PRKG1: variants seen among roughly 807,000 people sequenced by gnomAD.
PRKG1 encodes cGMP-dependent protein kinase 1.
PRKG1 carries 35 observed loss-of-function variants against 88.1 expected under a neutral mutation model. That is an observed-to-expected ratio of 0.40 (90% confidence interval 0.30 to 0.53). The LOEUF (loss-of-function observed/expected upper bound fraction) is 0.53. Ranked by LOEUF, PRKG1 falls within the 20% of genes least tolerant of loss-of-function variation. The pLI is 0.59. For missense variants in PRKG1, 540 were observed against 839.8 expected (o/e 0.64, Z 4.41); for synonymous variants, 303 against 292.5 (o/e 1.04, Z -0.37).
chr10:52,239,873 T>C (rs1459508222), intron 9 of PRKG1, among the ~76,000 whole-genome samples: 2 of 152,176 alleles, frequency 1.3e-5, no homozygotes, highest in African/African-American at 4.8e-5. Context: ...CCCTTCACCA[T>C]TGTCTCTTCA....
rs1564589622 is a variant in PRKG1, at chr10:51,074,792, T to C, written c.202T>C (p.Leu68=). The change falls in exon 1 of 18, where the codon TTG becomes CTG. Residue 68 remains leucine (L), a synonymous_variant. Transcript: ENST00000373980. ...GGCGCAGAAGCAGAGCGCGAGCACC[T>C]TGCAGGGCGAGCCGCGCACCAAGCG... is the stretch of plus-strand genomic sequence containing the variant. The part of the protein sequence containing the change: ...QQAQKQSAST[L]QGEPRTKRQA... 2 of 1,613,898 alleles carry C rather than the reference T, an allele frequency of 1.2e-6. No individual in the cohort carries two copies. The highest frequency in any genetic ancestry group is 1.7e-6 in the Non-Finnish European group (2 of 1,179,914).
intron 2 of PRKG1, among the ~76,000 whole-genome samples, chr10:51,292,239 T>G (rs531564062): frequency 7.9e-5 from 12 of 152,270 alleles, no homozygotes; most frequent in Non-Finnish European, 1.5e-4. Flanking sequence ...CTAGCTGGCA[T>G]TACTCTGGGT....
At chr10:51,099,958 C>T (rs1159094372) in intron 1 of PRKG1, among the ~76,000 whole-genome samples, 1 of 152,142 alleles carries the variant, frequency 6.6e-6, no homozygotes, top group African/African-American at 2.4e-5. Flanking sequence ...TGCAGTGGCA[C>T]AATCATAGCT....
chr10:51,590,592 T>G (rs1055143942), intron 3 of PRKG1, among the ~76,000 whole-genome samples: 8 of 152,200 alleles, frequency 5.3e-5, no homozygotes, highest in Non-Finnish European at 1.2e-4. Context: ...AAAAACTAAT[T>G]GCTTAGCATA....
At chr10:51,887,438 G>A (rs564866075) in intron 4 of PRKG1, among the ~76,000 whole-genome samples, 2 of 151,978 alleles carry the variant, frequency 1.3e-5, no homozygotes, top group South Asian at 2.1e-4. Flanking sequence ...TTCCAGAAGT[G>A]GGACTGCTGT....
intron 5 of PRKG1, among the ~76,000 whole-genome samples, chr10:51,965,686 C>A (rs1589463457): frequency 6.6e-6 from 1 of 152,172 alleles, no homozygotes; most frequent in East Asian, 1.9e-4. Context: ...AGGCACCAGG[C>A]AGTAACAGTA....
chr10:51,923,095 T>A (rs1589424468), intron 5 of PRKG1, among the ~76,000 whole-genome samples: 2 of 152,244 alleles, frequency 1.3e-5, no homozygotes, highest in East Asian at 3.9e-4. Flanking sequence ...TTTATGCACT[T>A]AAAGGATTGT....
At chr10:52,265,032 A>G (rs1589744714) in intron 10 of PRKG1, among the ~76,000 whole-genome samples, 1 of 152,134 alleles carries the variant, frequency 6.6e-6, no homozygotes, top group South Asian at 2.1e-4. Context: ...AAGGTTAAAT[A>G]TAATTAACAT....
chr10:51,217,509 T>C (rs141608219), intron 2 of PRKG1, among the ~76,000 whole-genome samples: 327 of 152,218 alleles, frequency 2.1e-3, no homozygotes, highest in African/African-American at 7.6e-3. Context: ...TGTGAGGGTG[T>C]TGGATTATCG....
At chr10:51,957,187 CTCCCTCCT>C (rs1843330476) in intron 5 of PRKG1, among the ~76,000 whole-genome samples, 1 of 143,420 alleles carries the variant, frequency 7.0e-6, no homozygotes, top group African/African-American at 2.6e-5. Flanking sequence ...TCCTTCCTTC[CTCCCTCCT>C]TTCCTCCCTC....
At chr10:51,551,296 T>C (rs1564546065) in intron 3 of PRKG1, among the ~76,000 whole-genome samples, 1 of 151,882 alleles carries the variant, frequency 6.6e-6, no homozygotes, top group Non-Finnish European at 1.5e-5. Flanking sequence ...AGTTTTTCTC[T>C]GTTATTAAAA....
intron 2 of PRKG1, among the ~76,000 whole-genome samples, chr10:51,360,735 C>T (rs1041787759): frequency 9.2e-5 from 14 of 151,888 alleles, no homozygotes; most frequent in Non-Finnish European, 1.3e-4. Context: ...ATTGACCTTC[C>T]GCACACTTTA....
intron 4 of PRKG1, among the ~76,000 whole-genome samples, chr10:51,812,710 G>A (rs1229336059): frequency 6.6e-6 from 1 of 152,096 alleles, no homozygotes; most frequent in African/African-American, 2.4e-5. Context: ...GAACCAATTC[G>A]AGAAATGCTT....
chr10:51,404,042 G>A (rs975805173), intron 2 of PRKG1, among the ~76,000 whole-genome samples: 2 of 152,046 alleles, frequency 1.3e-5, no homozygotes, highest in Non-Finnish European at 2.9e-5. Context: ...CAGTGTTCTA[G>A]AAATAGTTTA....
At chr10:51,061,970 G>C (rs1193896279) in intron 1 of PRKG1, among the ~76,000 whole-genome samples, 1 of 152,070 alleles carries the variant, frequency 6.6e-6, no homozygotes, top group African/African-American at 2.4e-5. Context: ...TGTTTTCCCA[G>C]TTTTAGGTTA....
chr10:51,088,591 A>T (rs1269756876), intron 1 of PRKG1, among the ~76,000 whole-genome samples: 1 of 151,964 alleles, frequency 6.6e-6, no homozygotes, highest in Non-Finnish European at 1.5e-5. Flanking sequence ...CTAGGTTGGG[A>T]TTGGGCTTCC....
Position 51,077,751 on chromosome 10 carries a change from G to T in PRKG1, c.311+2850G>T, listed in dbSNP as rs1236081046. 3.3e-5 allele frequency among the ~76,000 whole-genome samples: 5 copies of T among 152,244 alleles called. No individual in the cohort carries two copies. The East Asian group carries it at 9.6e-4, about 29-fold the overall frequency. ...ATTGGTCTCTTTCACAATCTGTATAGATACAATACTTATGTGAAGGAAAGA... is the reference window on the plus strand; with the variant it reads ...ATTGGTCTCTTTCACAATCTGTATATATACAATACTTATGTGAAGGAAAGA... On this transcript the variant is annotated intron_variant, in intron 1 of 17. Coordinates refer to ENST00000373980, the MANE Select transcript of PRKG1 (RefSeq NM_006258.4).
chr10:51,820,686 G>A (rs911938790), intron 4 of PRKG1, among the ~76,000 whole-genome samples: 5 of 152,132 alleles, frequency 3.3e-5, no homozygotes, highest in Admixed American at 1.3e-4. Context: ...GGAGGAAAGC[G>A]AGACTGATTT....
chr10:51,911,091 C>T (rs1842205876), intron 5 of PRKG1: 1 of 152,178 alleles, frequency 6.6e-6, no homozygotes, highest in Non-Finnish European at 1.5e-5. Flanking sequence ...AACATTGTCA[C>T]ATTTGACTCC....
Sources: gnomAD v4.1 joint callset for allele counts (sites outside exome capture counted in the v4.1 genomes callset) on GRCh38, gnomAD v4.1.1 for gene constraint, MANE v1.5 for transcripts, NCBI Gene and HGNC (gene_info 2026-07-23, HGNC 2026-07-21) for gene names.